The following ZNF518A variants were observed in gnomAD, a reference collection of about 807,000 sequenced individuals.
The protein encoded by ZNF518A is zinc finger protein 518A.
A neutral mutation model predicts 102.7 loss-of-function variants in ZNF518A; 47 were observed. The ratio of observed to expected loss-of-function variants is 0.46; its 90% CI spans 0.36 to 0.58. ZNF518A has a LOEUF of 0.58. ZNF518A is among the 20% of genes least tolerant of loss of function. The pLI is 0.00. For synonymous variants in ZNF518A, 652 were observed against 594.6 expected (o/e 1.10, Z -1.40); for missense variants, 1,793 against 1,699.8 (o/e 1.05, Z -0.96).
intron 1 of ZNF518A, among the ~76,000 whole-genome samples, chr10:96,201,479 T>C (rs1191146271): frequency 2.0e-5 from 3 of 152,242 alleles, no homozygotes; most frequent in African/African-American, 7.2e-5. Flanking sequence ...AAAATATTAT[T>C]TATGTTAACA....
In ZNF518A at chr10:96,189,126, T is replaced by C. The variant is rs587727606; in HGVS notation, n.36-14448T>C. On this transcript the variant is annotated intron_variant and non_coding_transcript_variant, in intron 1 of 2. Transcript: ENST00000442635. ...CATGTTCTGACCACTGCTACTACTA[T>C]GTCCTATCATAACATTCCATACATA... Among the ~76,000 whole-genome samples the C allele has an allele frequency of 3.3e-5, 5 of 152,340 alleles. No individual in the cohort carries two copies. In the East Asian group the frequency reaches 7.7e-4, roughly 23 times the overall value.
intron 3 of ZNF518A, among the ~76,000 whole-genome samples, chr10:96,134,964 C>T (rs1175163796): frequency 1.3e-5 from 2 of 152,170 alleles, no homozygotes; most frequent in African/African-American, 2.4e-5. Flanking sequence ...AGTATCTCTT[C>T]ATTAGAGAAC....
intron 3 of ZNF518A, among the ~76,000 whole-genome samples, chr10:96,148,510 G>A (rs1435098010): frequency 6.6e-6 from 1 of 151,904 alleles, no homozygotes; most frequent in Non-Finnish European, 1.5e-5. Flanking sequence ...GATTTAATTG[G>A]TCTGGATCTT....
chr10:96,190,921 T>C (rs1174680353), intron 1 of ZNF518A, among the ~76,000 whole-genome samples: 2 of 152,224 alleles, frequency 1.3e-5, no homozygotes, highest in African/African-American at 4.8e-5. Context: ...CTAGCTTTGC[T>C]GTCATTCCAC....
intron 3 of ZNF518A, chr10:96,151,476 A>G (rs1176632474): frequency 6.6e-6 from 1 of 152,116 alleles, no homozygotes; most frequent in Non-Finnish European, 1.5e-5. Context: ...TTCTGGATTC[A>G]TTTCCTTCTT....
chr10:96,165,822 C>G (rs1554890229), downstream of ZNF518A, among the ~76,000 whole-genome samples: 1 of 152,036 alleles, frequency 6.6e-6, no homozygotes, highest in Non-Finnish European at 1.5e-5. Flanking sequence ...AGATACAGAA[C>G]CAATATGAGG....
chr10:96,202,285 C>T (rs1394483241), intron 1 of ZNF518A, among the ~76,000 whole-genome samples: 2 of 152,070 alleles, frequency 1.3e-5, no homozygotes, highest in Non-Finnish European at 2.9e-5. Context: ...GTCATTCCAG[C>T]TGCTGGGCTG....
chr10:96,157,333 T>C lies in ZNF518A; in HGVS notation c.1011T>C (p.Ser337=). ...FWKRKKINSG[S]DRSIEKNTQV... ...AACGTAAGAAAATTAACAGTGGAAGTGACAGAAGTATAGAAAAGAACACTC... is the reference window on the plus strand; with the variant it reads ...AACGTAAGAAAATTAACAGTGGAAGCGACAGAAGTATAGAAAAGAACACTC... The change falls in exon 6 of 6, where the codon AGT becomes AGC. Residue 337 remains serine (S), a synonymous_variant. Transcript: ENST00000316045. The C allele has an allele frequency of 1.2e-6, 2 of 1,611,202 alleles. No individual in the cohort carries two copies. Among genetic ancestry groups the C allele is most frequent in the Non-Finnish European group, 1.7e-6 (2 of 1,178,528 alleles).
At chr10:96,196,320 G>A (rs1554894663) in intron 1 of ZNF518A, among the ~76,000 whole-genome samples, 1 of 152,140 alleles carries the variant, frequency 6.6e-6, no homozygotes, top group African/African-American at 2.4e-5. Context: ...TCATTTATAG[G>A]AGCAGGCTGG....
In ZNF518A at chr10:96,156,626, T is replaced by A. The variant is rs368478269; in HGVS notation, c.304T>A (p.Ser102Thr). Residue 102 changes from serine (S) to threonine (T), a missense_variant, in exon 6 of 6, where the codon TCT becomes ACT. Coordinates refer to ENST00000316045, the MANE Select transcript of ZNF518A (RefSeq NM_001330736.2). ...CVEECTLLHKSERAEEEGVKM... is the reference protein window; with the variant it reads ...CVEECTLLHKTERAEEEGVKM... ...AGAGGAGTGTACATTGCTTCATAAGTCTGAGAGAGCTGAAGAAGAGGGTGT... is the reference window on the plus strand; with the variant it reads ...AGAGGAGTGTACATTGCTTCATAAGACTGAGAGAGCTGAAGAAGAGGGTGT... 4 of 1,613,608 alleles carry A rather than the reference T, an allele frequency of 2.5e-6. No homozygotes were observed. The African/African-American group carries it at 5.3e-5, about 22-fold the overall frequency.
chr10:96,167,113 TAA>T (rs1591270539), downstream of ZNF518A, among the ~76,000 whole-genome samples: 1 of 152,202 alleles, frequency 6.6e-6, no homozygotes, highest in Admixed American at 6.5e-5. Context: ...GTAGGAAATA[TAA>T]AGTTTTGAGG....
At chr10:96,167,083 G>GTCA (rs1554890454), downstream of ZNF518A, among the ~76,000 whole-genome samples, 3 of 152,350 alleles carry the variant, frequency 2.0e-5, no homozygotes, top group Non-Finnish European at 1.5e-5. Flanking sequence ...AAAAGTATGT[G>GTCA]TCCTATATGA....
At chr10:96,145,357 A>G (rs2133421933) in intron 3 of ZNF518A, among the ~76,000 whole-genome samples, 1 of 152,360 alleles carries the variant, frequency 6.6e-6, no homozygotes, top group South Asian at 2.1e-4. Context: ...GGCGTGAGCC[A>G]CCGCTCCTGG....
intron 1 of ZNF518A, among the ~76,000 whole-genome samples, chr10:96,185,207 C>CT (rs782541254): frequency 1.3e-5 from 2 of 152,178 alleles, no homozygotes; most frequent in Non-Finnish European, 2.9e-5. Context: ...TTCGTCTAAT[C>CT]TTTTTTCAAG....
chr10:96,130,215 G>T (rs2142150736), upstream of ZNF518A: 1 of 152,824 alleles, frequency 6.5e-6, no homozygotes, highest in Admixed American at 6.5e-5. Flanking sequence ...GACCGTCAGG[G>T]TCCCCCAAAC....
At chr10:96,148,877 G>A (rs900734098) in intron 3 of ZNF518A, among the ~76,000 whole-genome samples, 4 of 152,036 alleles carry the variant, frequency 2.6e-5, no homozygotes, top group African/African-American at 9.7e-5. Context: ...CACCACACCC[G>A]GCTAATTTTT....
intron 3 of ZNF518A, among the ~76,000 whole-genome samples, chr10:96,134,511 G>A (rs1209778356): frequency 6.6e-6 from 1 of 152,232 alleles, no homozygotes; most frequent in African/African-American, 2.4e-5. Flanking sequence ...TGGGATTACA[G>A]GGGTGAGCCA....
rs587657924 is a variant in ZNF518A, at chr10:96,175,910, C to A, written n.35+19863C>A. On this transcript the variant is annotated intron_variant and non_coding_transcript_variant, in intron 1 of 2. Transcript: ENST00000442635. ...TCCTTCCTTCCTTCCTTCCTTCCTT[C>A]CTTCCTTCCTTCCTTCCTTCCTTCC... is the stretch of plus-strand genomic sequence containing the variant. Among the ~76,000 whole-genome samples, 106 of 129,544 alleles carry A rather than the reference C, an allele frequency of 8.2e-4. 2 individuals are homozygous for A. Among genetic ancestry groups the A allele is most frequent in the Admixed American group, 1.4e-3 (17 of 11,962 alleles). 85.0% of individuals were successfully genotyped at this position (129,544 alleles called of 152,430 possible).
chr10:96,161,136 T>G lies in ZNF518A; in HGVS notation c.*362T>G, dbSNP rs2082983472. ...CTGACACCCCCATTCCCTCTCTTCTTCCACCAGCCTTATGCATCTAAGTGT... is the reference window on the plus strand; with the variant it reads ...CTGACACCCCCATTCCCTCTCTTCTGCCACCAGCCTTATGCATCTAAGTGT... On this transcript the variant is annotated 3_prime_UTR_variant, in exon 6 of 6. Coordinates refer to ENST00000316045, the MANE Select transcript of ZNF518A (RefSeq NM_001330736.2). 1 of 179,416 alleles carries G rather than the reference T, an allele frequency of 5.6e-6. No homozygotes were observed. The highest frequency in any genetic ancestry group is 1.3e-5 in the Non-Finnish European group (1 of 76,874). The allele number at this position is 179,416 out of a possible 1,614,324, so 11.1% of individuals were successfully genotyped here. A position where few individuals can be genotyped will look rare whatever the true frequency, so the allele number is the denominator to read the frequency against.
Sources: gnomAD v4.1 joint callset for allele counts (sites outside exome capture counted in the v4.1 genomes callset) on GRCh38, gnomAD v4.1.1 for gene constraint, MANE v1.5 for transcripts, NCBI Gene and HGNC (gene_info 2026-07-23, HGNC 2026-07-21) for gene names.